KCNN3: variants seen among roughly 807,000 people sequenced by gnomAD.
The protein encoded by KCNN3 is potassium calcium-activated channel subfamily N member 3.
Under a neutral mutation model 62.9 loss-of-function variants are expected in KCNN3, and 16 were observed. The observed-to-expected ratio is 0.25, with a 90% confidence interval of 0.17 to 0.39. KCNN3 has a LOEUF of 0.39. Ranked by LOEUF, KCNN3 falls within the 10% of genes least tolerant of loss-of-function variation. The pLI is 1.00. For missense variants in KCNN3, 599 were observed against 949.4 expected (o/e 0.63, Z 4.85); for synonymous variants, 370 against 389.2 (o/e 0.95, Z 0.58).
chr1:154,857,283 C>T (rs983418919), intron 1 of KCNN3, among the ~76,000 whole-genome samples: 3 of 152,230 alleles, frequency 2.0e-5, no homozygotes, highest in South Asian at 2.1e-4. Context: ...CACAGAGCTG[C>T]GGCAAGAACA....
intron 2 of KCNN3, among the ~76,000 whole-genome samples, chr1:154,806,978 A>G (rs1220015610): frequency 1.3e-5 from 2 of 152,116 alleles, no homozygotes; most frequent in Admixed American, 6.6e-5. Context: ...GGACATTTGG[A>G]TCAGAATGTT....
chr1:154,816,115 A>C (rs1050820392), intron 2 of KCNN3, among the ~76,000 whole-genome samples: 1 of 152,228 alleles, frequency 6.6e-6, no homozygotes, highest in Non-Finnish European at 1.5e-5. Flanking sequence ...TATATACCTA[A>C]TAAATTAAAA....
At chr1:154,837,783 C>T (rs947582714) in intron 1 of KCNN3, among the ~76,000 whole-genome samples, 2 of 152,340 alleles carry the variant, frequency 1.3e-5, no homozygotes, top group East Asian at 3.9e-4. Context: ...ACAGATGTCA[C>T]GGGCTACCAG....
Position 154,862,667 on chromosome 1 carries a change from T to C in KCNN3, c.933+6365A>G, listed in dbSNP as rs1652811540. ...GAGAGGAGGCATCAAGAACTGACCT[T>C]GGGCCAGTCCACAATCTCACCCTGA... On this transcript the variant is annotated intron_variant, in intron 1 of 7. Coordinates refer to ENST00000271915, the MANE Select transcript of KCNN3 (RefSeq NM_002249.6). This position sits in a 1 kb window ranked among gnomAD's most constrained non-coding sequence, Gnocchi z 4.1. Among the ~76,000 whole-genome samples, 1 of 151,932 alleles carries C rather than the reference T, an allele frequency of 6.6e-6. No individual in the cohort carries two copies. The highest frequency in any genetic ancestry group is 1.5e-5 in the Non-Finnish European group (1 of 67,954).
chr1:154,866,766 C>T (rs1044025934), intron 1 of KCNN3, among the ~76,000 whole-genome samples: 2 of 152,240 alleles, frequency 1.3e-5, no homozygotes, highest in African/African-American at 4.8e-5. Context: ...CACGCCACTG[C>T]TGCTATGAGG....
chr1:154,832,893 C>A (rs1651430801), intron 1 of KCNN3, among the ~76,000 whole-genome samples: 1 of 152,224 alleles, frequency 6.6e-6, no homozygotes, highest in South Asian at 2.1e-4. Flanking sequence ...TCTGCAGGAG[C>A]TGTGGTCAGC....
intron 1 of KCNN3, among the ~76,000 whole-genome samples, chr1:154,861,060 T>C (rs995118472): frequency 6.7e-6 from 1 of 149,886 alleles, no homozygotes; most frequent in African/African-American, 2.5e-5. Context: ...GTTCAAGCGA[T>C]TCTCCAGCCT....
At chr1:154,723,781 G>A (rs923616463) in intron 5 of KCNN3, among the ~76,000 whole-genome samples, 11 of 152,154 alleles carry the variant, frequency 7.2e-5, no homozygotes, top group Admixed American at 3.3e-4. Flanking sequence ...ACTCCGGCAC[G>A]TAGTTTCAAT....
intron 1 of KCNN3, among the ~76,000 whole-genome samples, chr1:154,844,667 CTATCGGG>C (rs56838398): frequency 0.49 from 74,285 of 151,472 alleles, 19,725 homozygotes; most frequent in East Asian, 0.91. Context: ...CACAATAAGG[CTATCGGG>C]TTGGAAGGGC....
At chr1:154,845,574 C>G (rs549855716) in intron 1 of KCNN3, among the ~76,000 whole-genome samples, 1 of 152,370 alleles carries the variant, frequency 6.6e-6, no homozygotes, top group African/African-American at 2.4e-5. Context: ...GCTTCCCACA[C>G]AGCAGGAGCC....
In KCNN3 at chr1:154,706,429, C is replaced by A. The variant is rs1165372487; in HGVS notation, c.*1547G>T. ...ATTTCCCACAGGCAGAAACCAAAGACCTCAGAATGAGAAAGTCATGGTTTT... is the reference window on the plus strand; with the variant it reads ...ATTTCCCACAGGCAGAAACCAAAGAACTCAGAATGAGAAAGTCATGGTTTT... On this transcript the variant is annotated 3_prime_UTR_variant, in exon 8 of 8. Coordinates refer to ENST00000271915, the MANE Select transcript of KCNN3 (RefSeq NM_002249.6). 1 of 152,208 alleles carries A rather than the reference C, an allele frequency of 6.6e-6. No individual in the cohort carries two copies. The highest frequency in any genetic ancestry group is 1.5e-5 in the Non-Finnish European group (1 of 68,036). The allele number at this position is 152,208 out of a possible 1,614,324, so 9.4% of individuals were successfully genotyped here. A position where few individuals can be genotyped will look rare whatever the true frequency, so the allele number is the denominator to read the frequency against.
intron 1 of KCNN3, among the ~76,000 whole-genome samples, chr1:154,848,412 ACTGCTTC>A (rs1046160998): frequency 6.6e-6 from 1 of 151,956 alleles, no homozygotes; most frequent in African/African-American, 2.4e-5. Context: ...TCGCAGTAAC[ACTGCTTC>A]CAGCTTCCTC....
At chr1:154,752,320 G>A (rs1273155420) in intron 3 of KCNN3, among the ~76,000 whole-genome samples, 3 of 152,176 alleles carry the variant, frequency 2.0e-5, no homozygotes, top group South Asian at 2.1e-4. Flanking sequence ...AGCACCATCA[G>A]CTCACCCAAA....
rs1336589868 is a variant in KCNN3 at position 154,809,425 on chromosome 1, T to G, written c.1029+12664A>C. ...GCTGGGGTGGGAGGGCACATAAAAC[T>G]ACAACCTCACAGGAGGCCACAAAAC... On this transcript the variant is annotated intron_variant, in intron 2 of 7. Transcript: ENST00000271915. This position sits in a 1 kb window ranked among gnomAD's most constrained non-coding sequence, Gnocchi z 4.3. Among the ~76,000 whole-genome samples, 2 of 152,138 alleles carry G rather than the reference T, an allele frequency of 1.3e-5. No individual in the cohort carries two copies. Among genetic ancestry groups the G allele is most frequent in the African/African-American group, 4.8e-5 (2 of 41,434 alleles).
At chr1:154,822,340 C>T (rs1025429689) in intron 1 of KCNN3, among the ~76,000 whole-genome samples, 156 bp from the exon 2 acceptor site, 6 of 152,232 alleles carry the variant, frequency 3.9e-5, no homozygotes, top group Middle Eastern at 6.8e-3. Context: ...GCCTGAGCCC[C>T]ACAAAAGCCT....
intron 3 of KCNN3, among the ~76,000 whole-genome samples, chr1:154,768,703 G>A (rs1193376522): frequency 6.6e-6 from 1 of 152,202 alleles, no homozygotes; most frequent in Admixed American, 6.5e-5. Flanking sequence ...AAGGGAAGGA[G>A]AGCCCGGGTC....
chr1:154,765,885 G>A (rs993577329), intron 3 of KCNN3, among the ~76,000 whole-genome samples: 2 of 151,916 alleles, frequency 1.3e-5, no homozygotes, highest in East Asian at 1.9e-4. Context: ...GACCTCAAGC[G>A]ATCCACCTGC....
chr1:154,817,131 G>C (rs954700597), intron 2 of KCNN3, among the ~76,000 whole-genome samples: 1 of 152,314 alleles, frequency 6.6e-6, no homozygotes, highest in African/African-American at 2.4e-5. Flanking sequence ...GTAGGTACTG[G>C]TTCCGGGTGG....
At chr1:154,717,054 A>G (rs1242564794) in intron 5 of KCNN3, among the ~76,000 whole-genome samples, 1 of 152,242 alleles carries the variant, frequency 6.6e-6, no homozygotes, top group African/African-American at 2.4e-5. Context: ...CAAATGCTTC[A>G]TTATCTGTAA....
Sources: allele counts gnomAD v4.1 joint callset (sites outside exome capture counted in the v4.1 genomes callset), GRCh38; gene constraint gnomAD v4.1.1; non-coding constraint Gnocchi (gnomAD v3.1); transcripts MANE v1.5; gene names NCBI Gene and HGNC (gene_info 2026-07-23, HGNC 2026-07-21).